USH2A: variants seen among roughly 807,000 people sequenced by gnomAD.
USH2A encodes the protein usherin.
In USH2A, 443 loss-of-function variants were observed where a neutral mutation model predicts 538.9. The ratio of observed to expected loss-of-function variants is 0.82; its 90% CI spans 0.76 to 0.89. The LOEUF is 0.89. Ranked by LOEUF, USH2A falls within the 40% of genes least tolerant of loss-of-function variation. USH2A has a pLI of 0.00. For missense variants in USH2A, 6,633 were observed against 6,324.8 expected, an observed-to-expected ratio of 1.05 and a Z score of -1.65; for synonymous variants, 2,413 against 2,273.5, an observed-to-expected ratio of 1.06 and a Z score of -1.75.
chr1:215,964,361 C>A (rs1334129943), intron 37 of USH2A, among the ~76,000 whole-genome samples: 1 of 152,206 alleles, frequency 6.6e-6, no homozygotes, highest in East Asian at 1.9e-4. Flanking sequence ...CTGACACGCA[C>A]TTGACTCGCA....
At chr1:216,253,203 A>G (rs192553329) in intron 11 of USH2A, among the ~76,000 whole-genome samples, 224 of 151,188 alleles carry the variant, frequency 1.5e-3, no homozygotes, top group South Asian at 8.3e-3. Flanking sequence ...ATTGAAACAG[A>G]CATTTAAAAA....
At chr1:215,819,932 A>G (rs1662967006) in intron 47 of USH2A, among the ~76,000 whole-genome samples, 1 of 151,768 alleles carries the variant, frequency 6.6e-6, no homozygotes, top group Non-Finnish European at 1.5e-5. Context: ...TCTGAAAATG[A>G]AAGGCATCTT....
intron 36 of USH2A, among the ~76,000 whole-genome samples, chr1:215,965,997 A>G (rs1024676546): frequency 2.6e-5 from 4 of 151,932 alleles, no homozygotes; most frequent in Non-Finnish European, 5.9e-5. Context: ...ATGCACGCAC[A>G]CACACGCAAA....
chr1:216,269,922 T>C (rs563542754), intron 11 of USH2A, among the ~76,000 whole-genome samples: 1 of 152,228 alleles, frequency 6.6e-6, no homozygotes, highest in African/African-American at 2.4e-5. Context: ...TCAGTTTTCT[T>C]TACATTAGGA....
chr1:215,864,668 G>T (rs1261414958), intron 44 of USH2A, among the ~76,000 whole-genome samples: 2 of 152,038 alleles, frequency 1.3e-5, no homozygotes, highest in Non-Finnish European at 2.9e-5. Context: ...CAAATACTGT[G>T]GGCAAAACAG....
At chr1:215,647,995 T>G (rs1402247088) in intron 66 of USH2A, among the ~76,000 whole-genome samples, 2 of 152,206 alleles carry the variant, frequency 1.3e-5, no homozygotes, top group African/African-American at 4.8e-5. Flanking sequence ...GTGATCCTTT[T>G]TGGTAGAGAT....
intron 3 of USH2A, among the ~76,000 whole-genome samples, chr1:216,379,482 A>G (rs1487582482): frequency 6.6e-6 from 1 of 152,176 alleles, no homozygotes; most frequent in African/African-American, 2.4e-5. Context: ...ACCAGTTAAC[A>G]AATTGTAAGA....
At chr1:216,179,337 A>G (rs2034448520) in intron 20 of USH2A, among the ~76,000 whole-genome samples, 1 of 152,100 alleles carries the variant, frequency 6.6e-6, no homozygotes, top group Non-Finnish European at 1.5e-5. Context: ...ATTCTAATCA[A>G]TAGGGAAATT....
At chr1:215,635,195 G>C (rs374690522) in intron 69 of USH2A, among the ~76,000 whole-genome samples, 24 of 152,116 alleles carry the variant, frequency 1.6e-4, no homozygotes, top group African/African-American at 5.8e-4. Flanking sequence ...CTGATACTTC[G>C]TGCAAACTGG....
Position 215,813,854 on chromosome 1 carries a change from A to G in USH2A, c.9621T>C (p.Cys3207=), listed in dbSNP as rs727505296. ...GAACAAACGGGATATACTTTTCTTC[A>G]CAACAGCGATGTCCAGGCTTGGGGT... is the stretch of plus-strand genomic sequence containing the variant. The part of the protein sequence containing the change: ...LYNPKPGHRC[C]EEKYIPFVLN... The change falls in exon 49 of 72, where the codon TGT becomes TGC. Residue 3207 remains cysteine, a synonymous_variant. Coordinates refer to ENST00000307340, the MANE Select transcript of USH2A (RefSeq NM_206933.4). 2 of 1,613,956 alleles carry G rather than the reference A, an allele frequency of 1.2e-6. No homozygotes were observed. The highest frequency in any genetic ancestry group is 1.7e-5 in the Admixed American group (1 of 60,008).
intron 38 of USH2A, among the ~76,000 whole-genome samples, chr1:215,909,555 C>T (rs1435857179): frequency 6.6e-6 from 1 of 151,804 alleles, no homozygotes; most frequent in East Asian, 1.9e-4. Flanking sequence ...GCACCTTCTG[C>T]CCGATGTTGC....
intron 37 of USH2A, among the ~76,000 whole-genome samples, chr1:215,958,647 T>G (rs1191227943): frequency 6.6e-6 from 1 of 151,994 alleles, no homozygotes; most frequent in African/African-American, 2.4e-5. Flanking sequence ...TCCTAATCGG[T>G]CTTTAAGGCA....
chr1:215,980,149 T>C (rs1380939502), intron 35 of USH2A, among the ~76,000 whole-genome samples: 2 of 152,214 alleles, frequency 1.3e-5, no homozygotes, highest in Non-Finnish European at 2.9e-5. Context: ...ACAAACACTT[T>C]AAAGTCCAAA....
intron 32 of USH2A, among the ~76,000 whole-genome samples, chr1:216,009,945 C>G (rs1046521754): frequency 2.6e-5 from 4 of 152,148 alleles, no homozygotes; most frequent in African/African-American, 9.7e-5. Context: ...AAAAATCCAG[C>G]CCAGTTCATG....
chr1:216,137,785 C>T (rs1458341631), intron 21 of USH2A, among the ~76,000 whole-genome samples: 3 of 152,138 alleles, frequency 2.0e-5, no homozygotes, highest in Admixed American at 1.3e-4. Context: ...AACACCCTCA[C>T]AGACACACCC....
At chr1:216,050,560 T>C (rs11120728) in intron 30 of USH2A, among the ~76,000 whole-genome samples, 1,063 of 35,372 alleles carry the variant, frequency 0.03, 76 homozygotes, top group East Asian at 0.043. Context: ...ATTTGTATCT[T>C]TTTCTTTCTT....
At chr1:215,688,051 A>G (rs771725552) in intron 61 of USH2A, among the ~76,000 whole-genome samples, 10 of 151,918 alleles carry the variant, frequency 6.6e-5, no homozygotes, top group Non-Finnish European at 1.2e-4. Context: ...TGCACTAATT[A>G]GTGTTTGGGC....
intron 38 of USH2A, among the ~76,000 whole-genome samples, chr1:215,923,592 G>A (rs567005501): frequency 6.6e-6 from 1 of 152,058 alleles, no homozygotes; most frequent in African/African-American, 2.4e-5. Flanking sequence ...GTCAGACCTG[G>A]TGATGCAGTC....
intron 4 of USH2A, among the ~76,000 whole-genome samples, chr1:216,332,068 C>G (rs1318719973): frequency 2.0e-5 from 3 of 152,128 alleles, no homozygotes; most frequent in Admixed American, 6.6e-5. Context: ...CTGCCACTCT[C>G]TGGAAGCCCT....
Sources: gnomAD v4.1 joint callset for allele counts (sites outside exome capture counted in the v4.1 genomes callset) on GRCh38, gnomAD v4.1.1 for gene constraint, MANE v1.5 for transcripts, NCBI Gene and HGNC (gene_info 2026-07-23, HGNC 2026-07-21) for gene names.